ANKS1B: variants seen among roughly 807,000 people sequenced by gnomAD.
ANKS1B encodes ankyrin repeat and sterile alpha motif domain containing 1B.
ANKS1B carries 36 observed loss-of-function variants against 148.3 expected under a neutral mutation model. That is an observed-to-expected ratio of 0.24 (90% CI 0.19 to 0.32). The LOEUF is 0.32. ANKS1B is among the 10% of genes least tolerant of loss of function. The pLI is 1.00. For synonymous variants in ANKS1B, 542 were observed against 560.8 expected (o/e 0.97, Z 0.47); for missense variants, 1,157 against 1,542.6 (o/e 0.75, Z 4.19).
chr12:99,318,316 G>A (rs540289113), intron 12 of ANKS1B, among the ~76,000 whole-genome samples: 1 of 152,232 alleles, frequency 6.6e-6, no homozygotes, highest in East Asian at 1.9e-4. Context: ...TGGTTGGTAG[G>A]CTATTAATTA....
chr12:99,166,798 A>G (rs371890577), intron 14 of ANKS1B, among the ~76,000 whole-genome samples: 1 of 152,054 alleles, frequency 6.6e-6, no homozygotes, highest in African/African-American at 2.4e-5. Flanking sequence ...ATGACCCAGA[A>G]TAACCAAAAC....
intron 8 of ANKS1B, among the ~76,000 whole-genome samples, chr12:99,682,988 T>C (rs994711000): frequency 8.5e-5 from 13 of 152,158 alleles, no homozygotes; most frequent in Admixed American, 2.6e-4. Flanking sequence ...CTAACAATCA[T>C]GGCAGAAGGT....
chr12:99,489,512 A>T (rs988978476), intron 10 of ANKS1B, among the ~76,000 whole-genome samples: 4 of 152,220 alleles, frequency 2.6e-5, no homozygotes, highest in Non-Finnish European at 5.9e-5. Context: ...TATGCTAAAA[A>T]TTTTAAAGTA....
At chr12:99,051,967 T>G (rs1284355237) in intron 17 of ANKS1B, among the ~76,000 whole-genome samples, 1 of 152,214 alleles carries the variant, frequency 6.6e-6, no homozygotes, top group Non-Finnish European at 1.5e-5. Flanking sequence ...AGAGCACTTT[T>G]GAACCAGCAG....
chr12:99,663,347 T>G (rs2153456469), intron 8 of ANKS1B, among the ~76,000 whole-genome samples: 1 of 152,282 alleles, frequency 6.6e-6, no homozygotes, highest in Middle Eastern at 3.4e-3. Context: ...TTGAACATAT[T>G]AGCTATGATC....
At chr12:99,485,442 A>G (rs1325903988) in intron 10 of ANKS1B, among the ~76,000 whole-genome samples, 1 of 152,032 alleles carries the variant, frequency 6.6e-6, no homozygotes, top group Non-Finnish European at 1.5e-5. Flanking sequence ...TCTTTGCTTC[A>G]TGTTTACTTT....
intron 9 of ANKS1B, among the ~76,000 whole-genome samples, chr12:99,625,017 T>C (rs893436649): frequency 1.9e-4 from 29 of 151,920 alleles, no homozygotes; most frequent in African/African-American, 6.1e-4. Context: ...AATGGTAAAT[T>C]TGATAAATAA....
At chr12:98,991,517 C>A (rs966164354) in intron 17 of ANKS1B, among the ~76,000 whole-genome samples, 1 of 152,138 alleles carries the variant, frequency 6.6e-6, no homozygotes, top group Non-Finnish European at 1.5e-5. Context: ...TAAATACAAC[C>A]ATGTAATGTT....
chr12:99,741,579 G>A (rs1270078619), intron 8 of ANKS1B, among the ~76,000 whole-genome samples: 2 of 152,144 alleles, frequency 1.3e-5, no homozygotes, highest in African/African-American at 4.8e-5. Context: ...AAAAGGATGA[G>A]TTCATGTCCT....
Position 99,581,661 on chromosome 12 carries a change from C to T in ANKS1B, c.1272+73406G>A, listed in dbSNP as rs566090285. ...ATCCCAGCACTTTGGGAGGCCGAGG[C>T]GGGTGGATCATGAGGTCAGGAGATC... is the stretch of plus-strand genomic sequence containing the variant. On this transcript the variant is annotated intron_variant, in intron 9 of 26. Coordinates refer to ENST00000683438, the MANE Select transcript of ANKS1B (RefSeq NM_001352186.2). 3.6e-4 allele frequency among the ~76,000 whole-genome samples: 54 copies of T among 151,836 alleles called. No homozygotes were observed. The South Asian group carries it at 5.4e-3, about 15-fold the overall frequency.
chr12:99,399,948 C>T (rs2094356561), intron 11 of ANKS1B, 137 bp from the exon 12 acceptor site: 1 of 732,652 alleles, frequency 1.4e-6, no homozygotes, highest in African/African-American at 1.8e-5. Flanking sequence ...TATAATTGTG[C>T]TTTACAGAGA....
chr12:99,542,676 A>G (rs999859254), intron 9 of ANKS1B, among the ~76,000 whole-genome samples: 1 of 152,154 alleles, frequency 6.6e-6, no homozygotes, highest in African/African-American at 2.4e-5. Context: ...ACTACTAAAA[A>G]GCTACAATAA....
chr12:99,546,378 G>A (rs1036780250), intron 9 of ANKS1B, among the ~76,000 whole-genome samples: 1 of 152,054 alleles, frequency 6.6e-6, no homozygotes, highest in East Asian at 1.9e-4. Flanking sequence ...TAAAAATTAT[G>A]CCACATCATA....
intron 14 of ANKS1B, among the ~76,000 whole-genome samples, chr12:99,228,806 T>C (rs1167162990): frequency 6.6e-6 from 1 of 151,964 alleles, no homozygotes. Flanking sequence ...GACTCAAAAC[T>C]GATAAAAAGA....
intron 8 of ANKS1B, among the ~76,000 whole-genome samples, chr12:99,688,904 G>T (rs901575340): frequency 1.3e-5 from 2 of 151,184 alleles, no homozygotes; most frequent in Non-Finnish European, 2.9e-5. Flanking sequence ...GAGAGAAAAT[G>T]CAAGTTACAA....
chr12:99,797,496 G>A (rs1011811711), intron 4 of ANKS1B, among the ~76,000 whole-genome samples: 1 of 151,790 alleles, frequency 6.6e-6, no homozygotes, highest in African/African-American at 2.4e-5. Flanking sequence ...GGAGATTTCA[G>A]TCCTGCTTTT....
At chr12:99,627,677 G>C (rs1242578055) in intron 9 of ANKS1B, among the ~76,000 whole-genome samples, 1 of 152,160 alleles carries the variant, frequency 6.6e-6, no homozygotes, top group Non-Finnish European at 1.5e-5. Context: ...GCACACAGCA[G>C]AGTGTGCTGG....
intron 12 of ANKS1B, among the ~76,000 whole-genome samples, chr12:99,267,099 TAA>T (rs1409610482): frequency 6.6e-6 from 1 of 152,210 alleles, no homozygotes; most frequent in Non-Finnish European, 1.5e-5. Flanking sequence ...GCTGCAAATT[TAA>T]AAGAGAGAAC....
chr12:99,984,345 T>G lies in ANKS1B; in HGVS notation c.-108A>C. On this transcript the variant is annotated 5_prime_UTR_variant, in exon 1 of 27. Transcript: ENST00000683438. Reference sequence around the variant, plus strand: ...CCCTCTTCGCCCCACCCTAAAATAATGCAAGAGCTTCAGCACGGAGAGCTC... The same window carrying G: ...CCCTCTTCGCCCCACCCTAAAATAAGGCAAGAGCTTCAGCACGGAGAGCTC... 2 of 795,974 alleles carry G rather than the reference T, an allele frequency of 2.5e-6. No individual in the cohort carries two copies. The highest frequency in any genetic ancestry group is 4.9e-4 in the Middle Eastern group (1 of 2,052). 49.3% of individuals were successfully genotyped at this position (795,974 alleles called of 1,614,324 possible). A position where few individuals can be genotyped will look rare whatever the true frequency, so the allele number is the denominator to read the frequency against.
Sources: allele counts gnomAD v4.1 joint callset (sites outside exome capture counted in the v4.1 genomes callset), GRCh38; gene constraint gnomAD v4.1.1; transcripts MANE v1.5; gene names NCBI Gene and HGNC (gene_info 2026-07-23, HGNC 2026-07-21).